Variants in ROR1 observed in about 807,000 individuals in gnomAD.
ROR1 encodes the protein ROR family WNT receptor 1.
Under a neutral mutation model 78.8 loss-of-function variants are expected in ROR1, and 19 were observed. The ratio of observed to expected loss-of-function variants is 0.24; its 90% CI spans 0.17 to 0.35. The LOEUF (loss-of-function observed/expected upper bound fraction) is 0.35, where lower values mean the gene tolerates loss of function less well. ROR1 is among the 10% of genes least tolerant of loss of function. The pLI, the probability that ROR1 is intolerant of heterozygous loss-of-function variation, is 1.00. For missense variants in ROR1, 917 were observed against 1,177.8 expected, an observed-to-expected ratio of 0.78 and a Z score of 3.24; for synonymous variants, 386 against 433.6, an observed-to-expected ratio of 0.89 and a Z score of 1.36.
At chr1:63,862,009 A>G (rs142004737) in intron 1 of ROR1, among the ~76,000 whole-genome samples, 3 of 152,224 alleles carry the variant, frequency 2.0e-5, no homozygotes, top group Admixed American at 6.5e-5. Flanking sequence ...CTTAAGCAAT[A>G]AATAATGGTT....
intron 8 of ROR1, among the ~76,000 whole-genome samples, chr1:64,169,192 G>A (rs1650170250): frequency 6.6e-6 from 1 of 152,210 alleles, no homozygotes; most frequent in African/African-American, 2.4e-5. Context: ...TCTAATTTTA[G>A]TAGGGCCAGG....
intron 2 of ROR1, among the ~76,000 whole-genome samples, chr1:64,041,657 A>G (rs1234995925): frequency 6.6e-6 from 1 of 152,110 alleles, no homozygotes; most frequent in Non-Finnish European, 1.5e-5. Context: ...GAGGCACATT[A>G]TTGGCCATTT....
At chr1:64,176,230 G>T (rs1279921288) in intron 8 of ROR1, among the ~76,000 whole-genome samples, 1 of 152,132 alleles carries the variant, frequency 6.6e-6, no homozygotes, top group Admixed American at 6.5e-5. Context: ...GATATACGTT[G>T]GTATGAAGGG....
At chr1:63,817,850 G>A (rs190363156) in intron 1 of ROR1, among the ~76,000 whole-genome samples, 3 of 150,764 alleles carry the variant, frequency 2.0e-5, no homozygotes, top group East Asian at 1.9e-4. Flanking sequence ...TTTAAGCCTC[G>A]TGCTTCTTCT....
intron 1 of ROR1, among the ~76,000 whole-genome samples, chr1:63,879,735 A>C (rs2100372247): frequency 6.6e-6 from 1 of 152,274 alleles, no homozygotes; most frequent in East Asian, 1.9e-4. Context: ...TAATCATAGA[A>C]CTTCCCTCAA....
chr1:63,852,677 G>GA (rs1645121774), intron 1 of ROR1, among the ~76,000 whole-genome samples: 1 of 152,188 alleles, frequency 6.6e-6, no homozygotes, highest in Admixed American at 6.5e-5. Context: ...TTGATGGAAG[G>GA]AAAAACACTA....
intron 4 of ROR1, among the ~76,000 whole-genome samples, chr1:64,079,544 T>G (rs1377158698): frequency 1.3e-5 from 2 of 151,356 alleles, no homozygotes; most frequent in African/African-American, 4.9e-5. Context: ...CAGTCTCGGC[T>G]CACTGCAACC....
At chr1:64,121,457 T>G (rs913256734) in intron 4 of ROR1, among the ~76,000 whole-genome samples, 1 of 152,154 alleles carries the variant, frequency 6.6e-6, no homozygotes, top group African/African-American at 2.4e-5. Flanking sequence ...ACTAGAAGTC[T>G]CCACCACTGT....
At chr1:63,906,359 C>T (rs1051818249) in intron 1 of ROR1, among the ~76,000 whole-genome samples, 3 of 152,116 alleles carry the variant, frequency 2.0e-5, no homozygotes, top group Non-Finnish European at 4.4e-5. Flanking sequence ...ACCTCAGAAG[C>T]GCACGTGCTA....
intron 1 of ROR1, among the ~76,000 whole-genome samples, chr1:63,909,069 T>A (rs975800887): frequency 1.3e-5 from 2 of 152,190 alleles, no homozygotes; most frequent in Non-Finnish European, 2.9e-5. Context: ...AAACAGGCAC[T>A]TTTTTGTGAA....
chr1:64,178,582 C>T lies in ROR1; in HGVS notation c.2541C>T (p.His847=), dbSNP rs768752046. 5.6e-6 allele frequency: 9 copies of T among 1,614,082 alleles called. No homozygotes were observed. In the East Asian group the frequency reaches 1.3e-4, roughly 24 times the overall value. ...CAGGTCCTCCCAGAGTGATTCAGCA[C>T]TGCCCACCTCCCAAGAGTCGGTCCC... The part of the protein sequence containing the change: ...QPTGPPRVIQ[H]CPPPKSRSPS... The change falls in exon 9 of 9, where the codon CAC becomes CAT. Residue 847 remains histidine (H), a synonymous_variant. Transcript: ENST00000371079. The surrounding 1 kb of genome is among the most constrained non-coding windows in gnomAD (Gnocchi z 4.3).
rs1216487513 is a variant in ROR1 at position 63,774,066 on chromosome 1, G to A, written c.-352G>A. 3 of 164,304 alleles carry A rather than the reference G, an allele frequency of 1.8e-5. No homozygotes were observed. The highest frequency in any genetic ancestry group is 1.3e-4 in the Admixed American group (2 of 15,568). The allele number at this position is 164,304 out of a possible 1,614,324, so 10.2% of individuals were successfully genotyped here. On this transcript the variant is annotated 5_prime_UTR_variant, in exon 1 of 9. Transcript: ENST00000371079. The surrounding 1 kb of genome is among the most constrained non-coding windows in gnomAD (Gnocchi z 5.7). ...GAGAGCTGGAGCAGCCGCCACCGCC[G>A]CCGCCGAGGGAGCCCCGGGACGGCA...
chr1:64,078,524 T>C (rs1647071762), intron 4 of ROR1, among the ~76,000 whole-genome samples: 1 of 152,046 alleles, frequency 6.6e-6, no homozygotes, highest in African/African-American at 2.4e-5. Context: ...GAAGGAGGGA[T>C]GGCCACGTTT....
chr1:64,011,630 C>G lies in ROR1; in HGVS notation c.163+2254C>G, dbSNP rs546950866. Among the ~76,000 whole-genome samples, 4 of 152,272 alleles carry G rather than the reference C, an allele frequency of 2.6e-5. No individual in the cohort carries two copies. In the South Asian group the frequency reaches 8.3e-4, roughly 32 times the overall value. Reference sequence around the variant, plus strand: ...GGTGTCAATAGTATGAACCTGCTGGCTGAAGGGAAGGATAAAGGCAGGCCC... The same window carrying G: ...GGTGTCAATAGTATGAACCTGCTGGGTGAAGGGAAGGATAAAGGCAGGCCC... On this transcript the variant is annotated intron_variant, in intron 2 of 8. Coordinates refer to ENST00000371079, the MANE Select transcript of ROR1 (RefSeq NM_005012.4).
At chr1:63,925,110 C>T (rs1645690627) in intron 1 of ROR1, among the ~76,000 whole-genome samples, 2 of 149,478 alleles carry the variant, frequency 1.3e-5, no homozygotes, top group African/African-American at 5.0e-5. Context: ...TGCGCTGCAC[C>T]CACTAACTCA....
chr1:64,157,434 C>A (rs1157444923), intron 7 of ROR1, among the ~76,000 whole-genome samples: 3 of 152,152 alleles, frequency 2.0e-5, no homozygotes, highest in African/African-American at 7.2e-5. Context: ...CCACTGCACC[C>A]AGCCTAAAAT....
chr1:63,796,256 C>T (rs1644759212), intron 1 of ROR1, among the ~76,000 whole-genome samples: 1 of 152,098 alleles, frequency 6.6e-6, no homozygotes, highest in Non-Finnish European at 1.5e-5. Flanking sequence ...CTACCTCTAA[C>T]TAGCTGTGTG....
intron 1 of ROR1, among the ~76,000 whole-genome samples, chr1:63,776,684 G>C (rs1644618440): frequency 6.6e-6 from 1 of 152,180 alleles, no homozygotes; most frequent in African/African-American, 2.4e-5. Flanking sequence ...TGGTTCCTAG[G>C]TGCCGGGCTA....
At chr1:63,863,881 T>C (rs1645198967) in intron 1 of ROR1, among the ~76,000 whole-genome samples, 1 of 152,092 alleles carries the variant, frequency 6.6e-6, no homozygotes, top group African/African-American at 2.4e-5. Flanking sequence ...CTCATGATGA[T>C]TTAATACAGG....
Sources: allele counts gnomAD v4.1 joint callset (sites outside exome capture counted in the v4.1 genomes callset), GRCh38; gene constraint gnomAD v4.1.1; non-coding constraint Gnocchi (gnomAD v3.1); transcripts MANE v1.5; gene names NCBI Gene and HGNC (gene_info 2026-07-23, HGNC 2026-07-21).